Variants in PLCH2 observed in about 807,000 individuals in gnomAD.
PLCH2 encodes phospholipase C eta 2.
PLCH2 carries 98 observed loss-of-function variants against 134.7 expected under a neutral mutation model. That is an observed-to-expected ratio of 0.73 (90% confidence interval 0.62 to 0.86). The LOEUF is 0.86. Ranked by LOEUF, PLCH2 falls within the 40% of genes least tolerant of loss-of-function variation. The probability of loss-of-function intolerance (pLI) is 0.00; values close to 1 mark genes in which losing one functional copy is unlikely to be tolerated. For synonymous variants in PLCH2, 974 were observed against 827.5 expected, an observed-to-expected ratio of 1.18 and a Z score of -3.04; for missense variants, 1,994 against 1,986.6, an observed-to-expected ratio of 1.00 and a Z score of -0.07.
chr1:2,504,045 A>G lies in PLCH2; in HGVS notation c.3083A>G (p.Gln1028Arg), dbSNP rs1643389671. The change falls in exon 22 of 22, where the codon CAG (glutamine) becomes CGG (arginine). Residue 1028 changes from glutamine to arginine, a missense_variant. Physicochemically the swap from Gln to Arg is conservative, Grantham distance 43 (BLOSUM62 1). This residue lies in a region of PLCH2 where 900 missense variants were observed against 752.3 expected (regional missense o/e 1.20). Transcript: ENST00000378486. ...GCGGCTGTCCCCACCAGCTCTTCTCAGGGACGGCCCCCATACCCCACAGGA... is the reference window on the plus strand; with the variant it reads ...GCGGCTGTCCCCACCAGCTCTTCTCGGGGACGGCCCCCATACCCCACAGGA... Reference protein sequence around the residue: ...PPAAVPTSSSQGRPPYPTGPG... With the variant: ...PPAAVPTSSSRGRPPYPTGPG... The G allele has an allele frequency of 1.3e-6, 2 of 1,544,840 alleles. No homozygotes were observed. The highest frequency in any genetic ancestry group is 1.7e-6 in the Non-Finnish European group (2 of 1,143,498).
Position 2,498,696 on chromosome 1 carries a change from C to A in PLCH2, c.2350-48C>A. Reference sequence around the variant, plus strand: ...GGGAGGGGTGGGAGTTGGGGGCGGGCCGGGCATCGCGATGGGCCCTGATGC... The same window carrying A: ...GGGAGGGGTGGGAGTTGGGGGCGGGACGGGCATCGCGATGGGCCCTGATGC... On this transcript the variant is annotated intron_variant, in intron 17 of 21. Coordinates refer to ENST00000378486, the MANE Select transcript of PLCH2 (RefSeq NM_014638.4). This position sits in a 1 kb window ranked among gnomAD's most constrained non-coding sequence, Gnocchi z 5.4. 6.5e-7 allele frequency: 1 copy of A among 1,546,380 alleles called. No homozygotes were observed. The highest frequency in any genetic ancestry group is 8.8e-7 in the Non-Finnish European group (1 of 1,137,360).
At chr1:2,497,416 G>A (rs1642956351) in intron 15 of PLCH2, 86 bp from the exon 16 acceptor site, 3 of 882,430 alleles carry the variant, frequency 3.4e-6, no homozygotes, top group South Asian at 1.6e-5. Flanking sequence ...GCTGTGCAGG[G>A]GAGGCTAGCG....
At chr1:2,495,961 CG>C (rs1475955803) in intron 13 of PLCH2, among the ~76,000 whole-genome samples, 1 of 152,146 alleles carries the variant, frequency 6.6e-6, no homozygotes, top group Admixed American at 6.5e-5. Context: ...CCCAGGCCCC[CG>C]TGTCGGAGGC....
intron 2 of PLCH2, among the ~76,000 whole-genome samples, chr1:2,437,779 A>ACC (rs750752817): frequency 1.3e-5 from 2 of 151,720 alleles, no homozygotes; most frequent in Non-Finnish European, 2.9e-5. Context: ...ATGTATACCC[A>ACC]CCCCCACACA....
chr1:2,494,843 C>A lies in PLCH2; in HGVS notation c.1660-13C>A. ...CTAGACTCACCTTGTCCCTGTCTCT[C>A]CCCTGGACTCAGAGCAAGGCTGAAG... On this transcript the variant is annotated splice_polypyrimidine_tract_variant and intron_variant, in intron 11 of 21. Transcript: ENST00000378486. The A allele has an allele frequency of 1.3e-6, 2 of 1,585,400 alleles. No homozygotes were observed. Among genetic ancestry groups the A allele is most frequent in the South Asian group, 1.1e-5 (1 of 87,748 alleles).
chr1:2,441,219 GCAGCCCCTGCCGGCCCCTGC>G (rs1295782429), intron 2 of PLCH2, among the ~76,000 whole-genome samples: 4 of 152,186 alleles, frequency 2.6e-5, no homozygotes, highest in Admixed American at 2.6e-4. Flanking sequence ...AGCCCCCCTG[GCAGCCCCTGCCGGCCCCTGC>G]CAGCCCCTGC....
chr1:2,501,235 G>C (rs1157265924), intron 20 of PLCH2: 2 of 152,086 alleles, frequency 1.3e-5, no homozygotes, highest in Non-Finnish European at 2.9e-5. Flanking sequence ...CTGTGCACGA[G>C]CACGGCTCGT....
At chr1:2,452,901 G>GGAA (rs1193349155) in intron 2 of PLCH2, among the ~76,000 whole-genome samples, 1 of 152,234 alleles carries the variant, frequency 6.6e-6, no homozygotes, top group African/African-American at 2.4e-5. Flanking sequence ...ACAGCCTGGA[G>GGAA]GAAGGGTGCC....
chr1:2,416,637 G>A, the PLCH2 span, among the ~76,000 whole-genome samples: 1 of 152,376 alleles, frequency 6.6e-6, no homozygotes, highest in Admixed American at 6.5e-5. Context: ...CCAGAGCCAA[G>A]ATGGGGAGGG....
chr1:2,491,416 C>A, intron 11 of PLCH2, 81 bp downstream of exon 11: 1 of 1,466,220 alleles, frequency 6.8e-7, no homozygotes, highest in Non-Finnish European at 9.4e-7. Flanking sequence ...GGCCCCCGAA[C>A]GTATGCTCTG....
intron 2 of PLCH2, among the ~76,000 whole-genome samples, chr1:2,431,341 G>C (rs1475873806): frequency 6.6e-6 from 1 of 152,102 alleles, no homozygotes; most frequent in Non-Finnish European, 1.5e-5. Context: ...GTGTGTGTGT[G>C]TGTGTGCTCA....
chr1:2,503,909 C>T lies in PLCH2; in HGVS notation c.2960-13C>T. The stretch of plus-strand genomic sequence containing the variant: ...TCCCTCTGGCTCTCTCTCACTCCCC[C>T]ACCTCCCCACAGACACCCGCCCCCT... On this transcript the variant is annotated splice_polypyrimidine_tract_variant and intron_variant, in intron 21 of 21. Coordinates refer to ENST00000378486, the MANE Select transcript of PLCH2 (RefSeq NM_014638.4). The T allele has an allele frequency of 1.4e-6, 1 of 724,866 alleles. No individual in the cohort carries two copies. The highest frequency in any genetic ancestry group is 2.4e-6 in the Non-Finnish European group (1 of 413,400). The allele number at this position is 724,866 out of a possible 1,614,324, so 44.9% of individuals were successfully genotyped here.
chr1:2,504,930 C>A lies in PLCH2; in HGVS notation c.3968C>A (p.Pro1323Gln). Residue 1323 changes from proline (P) to glutamine (Q), a missense_variant, in exon 22 of 22, where the codon CCG (proline) becomes CAG (glutamine). Transcript: ENST00000378486. Reference sequence around the variant, plus strand: ...ATCACGTCACCCACCAGCCTGGGCCCGGCTGGGGAGGGGGTGGCAGGGGGC... The same window carrying A: ...ATCACGTCACCCACCAGCCTGGGCCAGGCTGGGGAGGGGGTGGCAGGGGGC... ...GDITSPTSLG[P>Q]AGEGVAGGPG... 1 of 1,569,862 alleles carries A rather than the reference C, an allele frequency of 6.4e-7. No individual in the cohort carries two copies. The highest frequency in any genetic ancestry group is 2.3e-5 in the East Asian group (1 of 43,184).
chr1:2,462,821 A>G (rs1478588438), upstream of PLCH2, among the ~76,000 whole-genome samples: 1 of 152,134 alleles, frequency 6.6e-6, no homozygotes, highest in Non-Finnish European at 1.5e-5. Context: ...TGCCCAGGAC[A>G]GGAGGTCGCT....
At chr1:2,482,093 T>C (rs1321364148) in intron 4 of PLCH2, among the ~76,000 whole-genome samples, 1 of 152,252 alleles carries the variant, frequency 6.6e-6, no homozygotes, top group Non-Finnish European at 1.5e-5. Flanking sequence ...TCAGCCAAAG[T>C]GCACGTTCAA....
In PLCH2 at chr1:2,505,297, G is replaced by GCCCCCAAAACTGTGT. The variant is rs1553119913; in HGVS notation, c.*90_*104dup. ...TTTGCTCAGGAAACAGGGCAGCCAGGCCCCCAAAACTGTGTCCCCCTGGCT... is the reference window on the plus strand; with the variant it reads ...TTTGCTCAGGAAACAGGGCAGCCAGGCCCCCAAAACTGTGTCCCCCAAAACTGTGTCCCCCTGGCT... On this transcript the variant is annotated 3_prime_UTR_variant, in exon 22 of 22. Coordinates refer to ENST00000378486, the MANE Select transcript of PLCH2 (RefSeq NM_014638.4). The GCCCCCAAAACTGTGT allele has an allele frequency of 8.2e-5, 92 of 1,120,580 alleles. 3 individuals are homozygous for GCCCCCAAAACTGTGT. The South Asian group carries it at 1.4e-3, about 17-fold the overall frequency. 69.4% of individuals were successfully genotyped at this position (1,120,580 alleles called of 1,614,324 possible).
At chr1:2,454,259 C>T (rs1435873007) in intron 2 of PLCH2, among the ~76,000 whole-genome samples, 1 of 152,184 alleles carries the variant, frequency 6.6e-6, no homozygotes, top group Non-Finnish European at 1.5e-5. Flanking sequence ...CTCCAGTTCC[C>T]CGATGGCCAG....
chr1:2,491,475 T>C (rs1438857715), intron 11 of PLCH2, 140 bp downstream of exon 11: 2 of 858,100 alleles, frequency 2.3e-6, no homozygotes, highest in Non-Finnish European at 3.6e-6. Context: ...AGCATACCTC[T>C]GTACACACCT....
In PLCH2 at chr1:2,459,538, TG is replaced by T. The variant is rs1640694029; in HGVS notation, c.116-18936del. Among the ~76,000 whole-genome samples the T allele has an allele frequency of 1.6e-5, 2 of 123,610 alleles. 1 individual carries two copies. The highest frequency in any genetic ancestry group is 1.6e-4 in the Admixed American group (2 of 12,402). 81.1% of individuals were successfully genotyped at this position (123,610 alleles called of 152,430 possible). A position where few individuals can be genotyped will look rare whatever the true frequency, so the allele number is the denominator to read the frequency against. On this transcript the variant is annotated intron_variant, in intron 2 of 3. Coordinates refer to the PLCH2 transcript ENST00000609981. The stretch of plus-strand genomic sequence containing the variant: ...CCTCCTTCCTGGTGGTCCTCCTTCC[TG>T]GTGGTCCTCCTTCCTGGTGGTCCTC...
Sources: allele counts gnomAD v4.1 joint callset (sites outside exome capture counted in the v4.1 genomes callset), GRCh38; gene constraint gnomAD v4.1.1; regional missense constraint gnomAD v4.1.1; non-coding constraint Gnocchi (gnomAD v3.1); transcripts MANE v1.5; gene names NCBI Gene and HGNC (gene_info 2026-07-23, HGNC 2026-07-21).